Variants in SIDT2 observed in about 807,000 individuals in gnomAD.
SIDT2 encodes the protein SID1 transmembrane family member 2, also known as SID1 transmembrane family, member 2.
In SIDT2, 68 loss-of-function variants were observed where a neutral mutation model predicts 114.4. The observed-to-expected ratio is 0.59, with a 90% confidence interval of 0.49 to 0.73. SIDT2 has a LOEUF of 0.73. SIDT2 is among the 30% of genes least tolerant of loss of function. The pLI is 0.00. For synonymous variants in SIDT2, 470 were observed against 438.4 expected (o/e 1.07, Z -0.90); for missense variants, 918 against 1,097.1 (o/e 0.84, Z 2.31).
chr11:117,189,676 G>A, intron 15 of SIDT2: 1 of 595,768 alleles, frequency 1.7e-6, no homozygotes, highest in East Asian at 2.8e-5. Context: ...GGCTTTGTAA[G>A]CATCAGTTTC....
At chr11:117,179,739 A>C in intron 1 of SIDT2, 1 of 289,000 alleles carries the variant, frequency 3.5e-6, no homozygotes. Context: ...TCTACCCTAA[A>C]CCCCAGAATC....
At position 117,189,256 on chromosome 11, in the gene SIDT2, G is replaced by A. The variant is rs769033447; in HGVS notation, c.1352+14G>A. The A allele has an allele frequency of 5.0e-6, 8 of 1,614,246 alleles. No individual in the cohort carries two copies. The South Asian group carries it at 6.6e-5, about 13-fold the overall frequency. ...GATCTACTTCTGGTGAGTGGGCTGA[G>A]TGTCTGGGGCTCTGCTGTTGGTGGG... On this transcript the variant is annotated intron_variant, in intron 14 of 25. Coordinates refer to ENST00000324225, the MANE Select transcript of SIDT2 (RefSeq NM_001040455.2).
At chr11:117,191,773 T>C (rs3213459) in intron 18 of SIDT2, 105 bp from the exon 19 acceptor site, 109,555 of 1,494,078 alleles carry the variant, frequency 0.073, 5,625 homozygotes, top group African/African-American at 0.26. Context: ...ATGGCCGTGG[T>C]GGGGCACCAG....
At chr11:117,189,743 G>T (rs2030632820) in intron 15 of SIDT2, 1 of 611,248 alleles carries the variant, frequency 1.6e-6, no homozygotes, top group South Asian at 1.9e-5. Flanking sequence ...ATGCCTCAGG[G>T]TTTTCAGCCA....
chr11:117,194,957 G>A (rs1244305967), intron 24 of SIDT2, among the ~76,000 whole-genome samples: 1 of 151,656 alleles, frequency 6.6e-6, no homozygotes, highest in Non-Finnish European at 1.5e-5. Context: ...CGTGATGGTG[G>A]GCGCCTGTAG....
chr11:117,187,319 C>T, intron 10 of SIDT2, 59 bp from the exon 11 acceptor site: 4 of 1,511,794 alleles, frequency 2.6e-6, no homozygotes, highest in African/African-American at 2.7e-5. Flanking sequence ...TTGTTCTTCT[C>T]CCTGGCTCTA....
Position 117,187,645 on chromosome 11 carries a change from A to G in SIDT2, c.1105A>G (p.Thr369Ala), listed in dbSNP as rs149076799. The change falls in exon 12 of 26, where the codon ACC becomes GCC. Residue 369 changes from threonine (T) to alanine (A), a missense_variant. Physicochemically the swap from Thr to Ala is moderately conservative, Grantham distance 58 (BLOSUM62 0). Coordinates refer to ENST00000324225, the MANE Select transcript of SIDT2 (RefSeq NM_001040455.2). ...CCCCACAGAGAATGTTTCTGGATCTACCGATGGTCTGGTTGACAGCGCTGG... is the reference window on the plus strand; with the variant it reads ...CCCCACAGAGAATGTTTCTGGATCTGCCGATGGTCTGGTTGACAGCGCTGG... ...YGSFENVSGS[T>A]DGLVDSAGTG... is the part of the protein sequence containing the mutation. 43 of 1,613,814 alleles carry G rather than the reference A, an allele frequency of 2.7e-5. No homozygotes were observed. Among genetic ancestry groups the G allele is most frequent in the Non-Finnish European group, 3.6e-5 (43 of 1,179,990 alleles).
chr11:117,195,146 C>G (rs1335416877), intron 24 of SIDT2, among the ~76,000 whole-genome samples: 2 of 145,748 alleles, frequency 1.4e-5, no homozygotes, highest in Non-Finnish European at 3.0e-5. Context: ...CCCCATGGCC[C>G]AGACCTACTG....
chr11:117,182,232 A>T, intron 4 of SIDT2, 127 bp downstream of exon 4: 2 of 1,092,232 alleles, frequency 1.8e-6, no homozygotes, highest in East Asian at 5.1e-5. Flanking sequence ...CTCTCTGGAA[A>T]CAGGAGCTCT....
intron 10 of SIDT2, 124 bp downstream of exon 10, chr11:117,186,760 G>T: frequency 1.1e-6 from 1 of 878,580 alleles, no homozygotes; most frequent in Admixed American, 2.5e-5. Context: ...TCAGATGGGG[G>T]TAACACTCCA....
rs1419553063 is a variant in SIDT2 at position 117,188,059 on chromosome 11, A to C, written c.1159+360A>C. The C allele has an allele frequency of 6.1e-6, 3 of 490,304 alleles. No homozygotes were observed. Among genetic ancestry groups the C allele is most frequent in the Non-Finnish European group, 1.2e-5 (3 of 251,758 alleles). 30.4% of individuals were successfully genotyped at this position (490,304 alleles called of 1,614,324 possible). A position where few individuals can be genotyped will look rare whatever the true frequency, so the allele number is the denominator to read the frequency against. On this transcript the variant is annotated intron_variant, in intron 12 of 25. Transcript: ENST00000324225. The surrounding 1 kb of genome is among the most constrained non-coding windows in gnomAD (Gnocchi z 4.0). ...AAGATTCTATGTGCATGGCTTCCCC[A>C]TGTAATTCCAGTAATTGCCCGCTCT...
Position 117,188,739 on chromosome 11 carries a change from C to T in SIDT2, c.1191C>T (p.Pro397=). The change falls in exon 13 of 26, where the codon CCC becomes CCT. Residue 397 remains proline, a synonymous_variant. Coordinates refer to ENST00000324225, the MANE Select transcript of SIDT2 (RefSeq NM_001040455.2). The surrounding 1 kb of genome is among the most constrained non-coding windows in gnomAD (Gnocchi z 4.0). ...GRSFEPVGTR[P]RVDSMSSVEE... ...CCTTTGAACCTGTAGGTACTCGGCC[C>T]CGAGTGGACTCCATGAGCTCTGTGG... 1 of 1,614,218 alleles carries T rather than the reference C, an allele frequency of 6.2e-7. No homozygotes were observed. The highest frequency in any genetic ancestry group is 8.5e-7 in the Non-Finnish European group (1 of 1,180,028).
At chr11:117,183,676 T>C (rs2030386936) in intron 6 of SIDT2, 103 bp from the exon 7 acceptor site, 2 of 853,644 alleles carry the variant, frequency 2.3e-6, no homozygotes, top group Admixed American at 2.6e-5. Context: ...AAGTAAAATA[T>C]ATCTATGAAG....
intron 24 of SIDT2, 83 bp from the exon 25 acceptor site, chr11:117,195,719 C>A: frequency 1.4e-6 from 2 of 1,438,866 alleles, no homozygotes; most frequent in South Asian, 1.2e-5. Flanking sequence ...GAGAGGGGTG[C>A]CCAGGAGCAA....
chr11:117,178,977 AG>A lies in SIDT2; in HGVS notation c.-284del. On this transcript the variant is annotated 5_prime_UTR_variant, in exon 1 of 26. Coordinates refer to ENST00000324225, the MANE Select transcript of SIDT2 (RefSeq NM_001040455.2). ...TCTCACGGCCCTGGCCCGGGGCTCC[AG>A]GGTCTCAGGTCGTACTCAGCCCCTC... The A allele has an allele frequency of 2.7e-6, 1 of 364,022 alleles. No individual in the cohort carries two copies. Among genetic ancestry groups the A allele is most frequent in the Non-Finnish European group, 5.0e-6 (1 of 199,848 alleles). The allele number at this position is 364,022 out of a possible 1,614,324, so 22.5% of individuals were successfully genotyped here.
At chr11:117,187,526 A>G in intron 11 of SIDT2, 77 bp downstream of exon 11, 1 of 1,592,022 alleles carries the variant, frequency 6.3e-7, no homozygotes, top group Non-Finnish European at 8.6e-7. Flanking sequence ...GAGGCGGTAA[A>G]GTGGGAGCCA....
chr11:117,190,797 C>T lies in SIDT2; in HGVS notation c.1735+57C>T. 7.3e-7 allele frequency: 1 copy of T among 1,375,218 alleles called. No individual in the cohort carries two copies. Among genetic ancestry groups the T allele is most frequent in the Non-Finnish European group, 1.0e-6 (1 of 963,880 alleles). 85.2% of individuals were successfully genotyped at this position (1,375,218 alleles called of 1,614,324 possible). A position where few individuals can be genotyped will look rare whatever the true frequency, so the allele number is the denominator to read the frequency against. On this transcript the variant is annotated intron_variant, in intron 18 of 25. Transcript: ENST00000324225. The surrounding 1 kb of genome is among the most constrained non-coding windows in gnomAD (Gnocchi z 4.1). ...CCTACAGCAGGGACCTGCCTGAGTC[C>T]TTCACTATCCCCAAGTCACCCACAG... is the stretch of plus-strand genomic sequence containing the variant.
In SIDT2 at chr11:117,192,895, T is replaced by A; in HGVS notation, c.2105+29T>A. The A allele has an allele frequency of 6.2e-7, 1 of 1,613,936 alleles. No homozygotes were observed. Among genetic ancestry groups the A allele is most frequent in the Non-Finnish European group, 8.5e-7 (1 of 1,179,944 alleles). On this transcript the variant is annotated intron_variant, in intron 22 of 25. Transcript: ENST00000324225. This position sits in a 1 kb window ranked among gnomAD's most constrained non-coding sequence, Gnocchi z 5.9. ...AGTATGGTCAGCAGTAGTGGCCTGGTTGGGTGGACAGCTGGGGACTCGGTC... is the reference window on the plus strand; with the variant it reads ...AGTATGGTCAGCAGTAGTGGCCTGGATGGGTGGACAGCTGGGGACTCGGTC...
At position 117,182,795 on chromosome 11, in the gene SIDT2, A is replaced by G. The variant is rs1200989699; in HGVS notation, c.691A>G (p.Ile231Val). 9.3e-6 allele frequency: 15 copies of G among 1,613,744 alleles called. No homozygotes were observed. Among genetic ancestry groups the G allele is most frequent in the Middle Eastern group, 1.6e-4 (1 of 6,080 alleles). The part of the protein sequence containing the change: ...MYQTMTKKAA[I>V]TVQRKDFPSN... ...CCAGACGATGACCAAGAAGGCGGCC[A>G]TCACCGTACAGGTAGGAAATGCATG... The change falls in exon 6 of 26, where the codon ATC becomes GTC. Residue 231 changes from isoleucine to valine, a missense_variant. Ile to Val is a conservative substitution (Grantham distance 29). Coordinates refer to ENST00000324225, the MANE Select transcript of SIDT2 (RefSeq NM_001040455.2).
Sources: allele counts gnomAD v4.1 joint callset (sites outside exome capture counted in the v4.1 genomes callset), GRCh38; gene constraint gnomAD v4.1.1; non-coding constraint Gnocchi (gnomAD v3.1); transcripts MANE v1.5; gene names NCBI Gene and HGNC (gene_info 2026-07-23, HGNC 2026-07-21).